The following ZW10 variants were observed in gnomAD, a reference collection of about 807,000 sequenced individuals.
The protein encoded by ZW10 is centromere/kinetochore protein zw10 homolog.
Under a neutral mutation model 87.8 loss-of-function variants are expected in ZW10, and 53 were observed. The ratio of observed to expected loss-of-function variants is 0.60; its 90% CI spans 0.48 to 0.76. ZW10 has a LOEUF of 0.76. ZW10 is among the 30% of genes least tolerant of loss of function. ZW10 has a pLI of 0.00. For synonymous variants in ZW10, 312 were observed against 329.2 expected (o/e 0.95, Z 0.57); for missense variants, 837 against 923.0 (o/e 0.91, Z 1.21).
At position 113,738,321 on chromosome 11, in the gene ZW10, G is replaced by A. The variant is rs564790532; in HGVS notation, c.1827C>T (p.Asn609=). 2 of 1,613,226 alleles carry A rather than the reference G, an allele frequency of 1.2e-6. No homozygotes were observed. The highest frequency in any genetic ancestry group is 2.7e-5 in the African/African-American group (2 of 74,980). ...ELLERLSSAR[N]FSNMDDEENY... is the part of the protein sequence containing the mutation. ...TCTCTTCATCGTCCATATTTGAAAA[G>A]TTCCTAGCACTTGATAATCTTTCCA... Residue 609 remains asparagine (N), a synonymous_variant, in exon 13 of 16, where the codon AAC becomes AAT. Coordinates refer to ENST00000200135, the MANE Select transcript of ZW10 (RefSeq NM_004724.4).
intron 2 of ZW10, among the ~76,000 whole-genome samples, chr11:113,764,613 T>C (rs1033359717): frequency 5.3e-5 from 8 of 152,198 alleles, no homozygotes; most frequent in Admixed American, 3.9e-4. Flanking sequence ...TTTAACTTTG[T>C]AAACTTTCCT....
chr11:113,773,670 C>G lies in ZW10; in HGVS notation c.-4G>C. The G allele has an allele frequency of 1.2e-6, 2 of 1,612,848 alleles. No individual in the cohort carries two copies. Among genetic ancestry groups the G allele is most frequent in the Non-Finnish European group, 8.5e-7 (1 of 1,179,374 alleles). ...CTTCTGTCACGAACGAGGCCATGGCCAAGACGGGAACCAACGCTGACTGGG... is the reference window on the plus strand; with the variant it reads ...CTTCTGTCACGAACGAGGCCATGGCGAAGACGGGAACCAACGCTGACTGGG... On this transcript the variant is annotated 5_prime_UTR_variant, in exon 1 of 16. Transcript: ENST00000200135.
intron 13 of ZW10, 96 bp from the exon 14 acceptor site, chr11:113,737,799 G>C: frequency 7.2e-7 from 1 of 1,390,038 alleles, no homozygotes; most frequent in Non-Finnish European, 9.7e-7. Context: ...TTGGGAAAGT[G>C]GCATTATGCC....
At chr11:113,766,747 T>C (rs1291459593) in intron 2 of ZW10, among the ~76,000 whole-genome samples, 3 of 143,878 alleles carry the variant, frequency 2.1e-5, no homozygotes, top group Non-Finnish European at 4.5e-5. Flanking sequence ...CTGGGTATAG[T>C]GGCTCACGCC....
At chr11:113,755,987 G>A (rs989276773) in intron 7 of ZW10, among the ~76,000 whole-genome samples, 1 of 152,102 alleles carries the variant, frequency 6.6e-6, no homozygotes, top group Non-Finnish European at 1.5e-5. Context: ...ACTTTTATAT[G>A]CACTGGGAAA....
intron 2 of ZW10, among the ~76,000 whole-genome samples, chr11:113,766,731 A>G (rs1953911271): frequency 8.2e-6 from 1 of 122,194 alleles, no homozygotes; most frequent in African/African-American, 3.0e-5. Flanking sequence ...AAAAAAATCC[A>G]TGAGGCTGGG....
At chr11:113,751,667 G>T (rs1386230355) in intron 7 of ZW10, among the ~76,000 whole-genome samples, 1 of 152,162 alleles carries the variant, frequency 6.6e-6, no homozygotes, top group African/African-American at 2.4e-5. Flanking sequence ...AAGGTCAAAA[G>T]TTCGAGACCA....
At chr11:113,750,551 G>A (rs944973446) in intron 7 of ZW10, among the ~76,000 whole-genome samples, 9 of 152,126 alleles carry the variant, frequency 5.9e-5, no homozygotes, top group African/African-American at 1.9e-4. Context: ...TGATCCACCT[G>A]CCTTGGCCTC....
intron 2 of ZW10, among the ~76,000 whole-genome samples, chr11:113,764,624 GT>G (rs1461382839): frequency 6.6e-6 from 1 of 151,856 alleles, no homozygotes; most frequent in Non-Finnish European, 1.5e-5. Context: ...AAACTTTCCT[GT>G]TAAAAACTAA....
intron 2 of ZW10, among the ~76,000 whole-genome samples, chr11:113,761,426 C>T (rs745856238): frequency 3.3e-5 from 5 of 152,088 alleles, no homozygotes; most frequent in Non-Finnish European, 5.9e-5. Context: ...ACTACAGGCA[C>T]GCACCACCAC....
In ZW10 at chr11:113,736,720, T is replaced by C. The variant is rs753707596; in HGVS notation, c.2119A>G (p.Lys707Glu). 15 of 1,614,238 alleles carry C rather than the reference T, an allele frequency of 9.3e-6. No individual in the cohort carries two copies. The highest frequency in any genetic ancestry group is 1.3e-5 in the Non-Finnish European group (15 of 1,180,038). ...ACTGGAACCTCTTCTTGATATTTCT[T>C]GTTCTTGCTTTCTTCAGATAAAGGT... Reference protein sequence around the residue: ...FAPLSEESKNKKYQEEVPVYV... With the variant: ...FAPLSEESKNEKYQEEVPVYV... The change falls in exon 15 of 16, where the codon AAG becomes GAG. Residue 707 changes from lysine (K) to glutamate (E), a missense_variant. Lys to Glu is a moderately conservative substitution (Grantham distance 56). Coordinates refer to ENST00000200135, the MANE Select transcript of ZW10 (RefSeq NM_004724.4).
intron 2 of ZW10, among the ~76,000 whole-genome samples, chr11:113,763,223 T>A (rs947635920): frequency 2.0e-5 from 3 of 152,232 alleles, no homozygotes; most frequent in Non-Finnish European, 4.4e-5. Context: ...TGCATAGTAT[T>A]CCATGGTGTA....
chr11:113,753,346 T>C (rs1953753001), intron 7 of ZW10, among the ~76,000 whole-genome samples: 1 of 152,214 alleles, frequency 6.6e-6, no homozygotes, highest in South Asian at 2.1e-4. Context: ...AAAAGTGTAT[T>C]AGTGAACACA....
intron 6 of ZW10, 123 bp from the exon 7 acceptor site, chr11:113,757,976 A>G (rs2134887461): frequency 3.0e-6 from 2 of 675,188 alleles, no homozygotes; most frequent in South Asian, 6.1e-5. Flanking sequence ...ATCTGAGGCC[A>G]GCCTGGCCAA....
intron 7 of ZW10, among the ~76,000 whole-genome samples, chr11:113,749,741 T>C (rs1390272784): frequency 6.6e-6 from 1 of 152,248 alleles, no homozygotes; most frequent in East Asian, 1.9e-4. Context: ...AAAATACTTT[T>C]CCATTAAACA....
In ZW10 at chr11:113,760,204, A is replaced by C. The variant is rs1185877896; in HGVS notation, c.580+5T>G. ...GCAAAGCAGTCCACCTGAGGTCAGC[A>C]GCACCTTTTGATGGTGGGAACTTCC... is the stretch of plus-strand genomic sequence containing the variant. On this transcript the variant is annotated splice_donor_5th_base_variant and intron_variant, in intron 5 of 15. Transcript: ENST00000200135. 1 of 1,613,510 alleles carries C rather than the reference A, an allele frequency of 6.2e-7. No homozygotes were observed. The highest frequency in any genetic ancestry group is 1.7e-5 in the Admixed American group (1 of 59,876).
intron 14 of ZW10, 134 bp from the exon 15 acceptor site, chr11:113,736,956 T>C: frequency 2.8e-6 from 2 of 708,246 alleles, no homozygotes; most frequent in Middle Eastern, 3.5e-4. Flanking sequence ...TTGGAACAAC[T>C]TACTAGACAC....
chr11:113,734,807 A>AG (rs1227155810), intron 15 of ZW10, among the ~76,000 whole-genome samples: 1 of 147,374 alleles, frequency 6.8e-6, no homozygotes, highest in East Asian at 2.0e-4. Context: ...TCTGTCTCAA[A>AG]AAAAAAAAGG....
intron 12 of ZW10, among the ~76,000 whole-genome samples, chr11:113,738,880 C>T (rs750029050): frequency 3.9e-5 from 6 of 152,064 alleles, no homozygotes; most frequent in African/African-American, 1.4e-4. Context: ...CATTAGTGAG[C>T]TCTTACCAAC....
Sources: gnomAD v4.1 joint callset for allele counts (sites outside exome capture counted in the v4.1 genomes callset) on GRCh38, gnomAD v4.1.1 for gene constraint, MANE v1.5 for transcripts, NCBI Gene and HGNC (gene_info 2026-07-23, HGNC 2026-07-21) for gene names.